Variants in GANC observed in about 807,000 individuals in gnomAD.
GANC encodes neutral alpha-glucosidase C.
Under a neutral mutation model 124.2 loss-of-function variants are expected in GANC, and 117 were observed. The ratio of observed to expected loss-of-function variants is 0.94; its 90% confidence interval spans 0.81 to 1.10. GANC has a LOEUF of 1.10. Ranked by LOEUF, GANC falls within the 50% of genes least tolerant of loss-of-function variation. The probability of loss-of-function intolerance (pLI) is 0.00; values close to 1 mark genes in which losing one functional copy is unlikely to be tolerated. For missense variants in GANC, 1,140 were observed against 1,095.0 expected, an observed-to-expected ratio of 1.04 and a Z score of -0.58; for synonymous variants, 377 against 376.8, an observed-to-expected ratio of 1.00 and a Z score of -0.01.
chr15:42,288,991 A>G (rs2051817816), intron 4 of GANC, among the ~76,000 whole-genome samples: 1 of 152,090 alleles, frequency 6.6e-6, no homozygotes. Context: ...TTAATCTGTA[A>G]TTTTCTCTTT....
chr15:42,278,816 A>G (rs140433902), intron 3 of GANC, among the ~76,000 whole-genome samples: 45 of 152,284 alleles, frequency 3.0e-4, no homozygotes, highest in African/African-American at 1.0e-3. Context: ...TAACATGGCG[A>G]AAACCCATCT....
chr15:42,290,511 C>T (rs1798554203), intron 4 of GANC, among the ~76,000 whole-genome samples: 2 of 152,138 alleles, frequency 1.3e-5, no homozygotes, highest in African/African-American at 4.8e-5. Context: ...TAGGACTCCT[C>T]AAAATTGAAT....
intron 3 of GANC, among the ~76,000 whole-genome samples, chr15:42,279,025 T>C (rs1325723721): frequency 6.6e-6 from 1 of 152,112 alleles, no homozygotes; most frequent in Non-Finnish European, 1.5e-5. Context: ...AGAAAATGAA[T>C]GTCATCTTTT....
At chr15:42,282,166 C>T (rs920327361) in intron 3 of GANC, among the ~76,000 whole-genome samples, 1 of 152,166 alleles carries the variant, frequency 6.6e-6, no homozygotes, top group East Asian at 1.9e-4. Context: ...CTAAAAATAA[C>T]AAAAATTAGC....
At chr15:42,339,340 A>T (rs1003897649) in intron 16 of GANC, among the ~76,000 whole-genome samples, 1 of 151,156 alleles carries the variant, frequency 6.6e-6, no homozygotes, top group Non-Finnish European at 1.5e-5. Context: ...ACACACACAC[A>T]CACACACACA....
chr15:42,281,209 G>A lies in GANC; in HGVS notation c.201+2619G>A, dbSNP rs543725259. On this transcript the variant is annotated intron_variant, in intron 3 of 23. Coordinates refer to ENST00000318010, the MANE Select transcript of GANC (RefSeq NM_198141.3). Reference sequence around the variant, plus strand: ...GCAAATGTATGCAAATACATATTTCGGGAGATCACCCTGAAATTCTGCACT... The same window carrying A: ...GCAAATGTATGCAAATACATATTTCAGGAGATCACCCTGAAATTCTGCACT... 7.7e-5 allele frequency: 51 copies of A among 660,160 alleles called. 1 individual carries two copies. The highest frequency in any genetic ancestry group is 5.4e-4 in the African/African-American group (30 of 55,572). The allele number at this position is 660,160 out of a possible 1,614,324, so 40.9% of individuals were successfully genotyped here. A position where few individuals can be genotyped will look rare whatever the true frequency, so the allele number is the denominator to read the frequency against.
chr15:42,343,769 T>G (rs941887854), intron 19 of GANC, among the ~76,000 whole-genome samples: 2 of 151,530 alleles, frequency 1.3e-5, no homozygotes, highest in Non-Finnish European at 2.9e-5. Context: ...GAGCCATGGG[T>G]AATAAGAGCA....
intron 11 of GANC, 89 bp from the exon 12 acceptor site, chr15:42,326,209 T>A (rs953839197): frequency 6.3e-5 from 55 of 867,234 alleles, no homozygotes; most frequent in Non-Finnish European, 9.0e-5. Flanking sequence ...TTTGTAAAAA[T>A]TGAACCCCCA....
chr15:42,340,299 C>T (rs571159498), intron 17 of GANC, among the ~76,000 whole-genome samples: 4 of 152,266 alleles, frequency 2.6e-5, no homozygotes, highest in South Asian at 2.1e-4. Context: ...CTCTTTGGCA[C>T]GTTCCCATTT....
chr15:42,273,233 C>G lies in GANC; in HGVS notation c.-1249C>G. The G allele has an allele frequency of 1.9e-6, 3 of 1,613,746 alleles. No individual in the cohort carries two copies. The highest frequency in any genetic ancestry group is 2.5e-6 in the Non-Finnish European group (3 of 1,179,810). ...CACCCCTTGCTCCTCTAGGTTCAGA[C>G]GTTAGTGAAGTGAATACTCACCGAC... is the stretch of plus-strand genomic sequence containing the variant. On this transcript the variant is annotated 5_prime_UTR_variant, in exon 1 of 24. Coordinates refer to ENST00000318010, the MANE Select transcript of GANC (RefSeq NM_198141.3).
At position 42,297,673 on chromosome 15, in the gene GANC, C is replaced by A. The variant is rs748653552; in HGVS notation, c.558+17C>A. On this transcript the variant is annotated intron_variant, in intron 6 of 23. Coordinates refer to ENST00000318010, the MANE Select transcript of GANC (RefSeq NM_198141.3). ...ACCTCTCAGGTAATCTAGATTGATC[C>A]ATTTATTGTTATCTTTTTCACCATC... is the stretch of plus-strand genomic sequence containing the variant. 6.4e-6 allele frequency: 10 copies of A among 1,570,702 alleles called. No homozygotes were observed. Among genetic ancestry groups the A allele is most frequent in the Non-Finnish European group, 2.6e-6 (3 of 1,145,704 alleles).
chr15:42,330,762 T>G, intron 15 of GANC, 90 bp downstream of exon 15: 3 of 639,176 alleles, frequency 4.7e-6, no homozygotes, highest in East Asian at 3.5e-5. Flanking sequence ...GCTGATGCCT[T>G]CCTTTTCCTT....
At chr15:42,294,924 TAG>T (rs1159313086) in intron 5 of GANC, among the ~76,000 whole-genome samples, 2 of 151,076 alleles carry the variant, frequency 1.3e-5, no homozygotes, top group Non-Finnish European at 2.9e-5. Flanking sequence ...ATTTATAGTA[TAG>T]AGTCATAAAA....
At chr15:42,303,536 T>C (rs1417834706) in intron 6 of GANC, among the ~76,000 whole-genome samples, 2 of 151,636 alleles carry the variant, frequency 1.3e-5, no homozygotes, top group African/African-American at 4.8e-5. Context: ...GGGCTAAATA[T>C]CCCAATTAAA....
At position 42,352,596 on chromosome 15, in the gene GANC, T is replaced by C. The variant is rs1000140542; in HGVS notation, c.*457T>C. ...CAGCCTCTGGTACTCCCCCCAGTTA[T>C]CTTCCACCCACATGGACTGGGCAGA... On this transcript the variant is annotated 3_prime_UTR_variant, in exon 24 of 24. Coordinates refer to ENST00000318010, the MANE Select transcript of GANC (RefSeq NM_198141.3). 6 of 1,008,132 alleles carry C rather than the reference T, an allele frequency of 6.0e-6. No individual in the cohort carries two copies. Among genetic ancestry groups the C allele is most frequent in the South Asian group, 4.2e-5 (1 of 23,814 alleles). 62.4% of individuals were successfully genotyped at this position (1,008,132 alleles called of 1,614,324 possible).
chr15:42,286,632 A>C (rs769039402), intron 3 of GANC, among the ~76,000 whole-genome samples: 13 of 152,220 alleles, frequency 8.5e-5, no homozygotes, highest in Non-Finnish European at 1.8e-4. Context: ...AGCACTGTTT[A>C]CTTGTTCACT....
At chr15:42,302,976 C>G (rs146506703) in intron 6 of GANC, among the ~76,000 whole-genome samples, 1,629 of 152,190 alleles carry the variant, frequency 0.011, 26 homozygotes, top group African/African-American at 0.037. Context: ...CAAGACGGAC[C>G]AACATTCAAA....
chr15:42,342,593 GA>G (rs554964262), intron 18 of GANC, among the ~76,000 whole-genome samples: 45 of 142,926 alleles, frequency 3.1e-4, no homozygotes, highest in Middle Eastern at 3.5e-3. Flanking sequence ...TGTCTCTAAG[GA>G]AAAAAAAAAA....
At chr15:42,330,015 A>G (rs1470225728) in intron 14 of GANC, among the ~76,000 whole-genome samples, 2 of 152,240 alleles carry the variant, frequency 1.3e-5, no homozygotes, top group Admixed American at 1.3e-4. Flanking sequence ...GACCTCATGT[A>G]TACCCATGGT....
Sources: gnomAD v4.1 joint callset for allele counts (sites outside exome capture counted in the v4.1 genomes callset) on GRCh38, gnomAD v4.1.1 for gene constraint, MANE v1.5 for transcripts, NCBI Gene and HGNC (gene_info 2026-07-23, HGNC 2026-07-21) for gene names.